EIF4G3: variants seen among roughly 807,000 people sequenced by gnomAD.
The protein encoded by EIF4G3 is eukaryotic translation initiation factor 4 gamma 3.
EIF4G3 carries 34 observed loss-of-function variants against 186.4 expected under a neutral mutation model. The observed-to-expected ratio is 0.18, with a 90% CI of 0.14 to 0.24. The LOEUF (loss-of-function observed/expected upper bound fraction) is 0.24. Among genes scored for constraint, EIF4G3 ranks in the 10% least tolerant of loss-of-function variants. The probability of loss-of-function intolerance (pLI) is 1.00; values close to 1 mark genes in which losing one functional copy is unlikely to be tolerated. For synonymous variants in EIF4G3, 673 were observed against 679.5 expected (o/e 0.99, Z 0.15); for missense variants, 1,536 against 1,948.5 (o/e 0.79, Z 3.99).
chr1:20,956,706 T>C (rs2096437159), intron 12 of EIF4G3, among the ~76,000 whole-genome samples: 1 of 151,434 alleles, frequency 6.6e-6, no homozygotes, highest in African/African-American at 2.4e-5. Context: ...AGGGTCTCGC[T>C]CTGCCACTCA....
chr1:20,809,042 C>T (rs544878494), intron 36 of EIF4G3, among the ~76,000 whole-genome samples: 49 of 151,694 alleles, frequency 3.2e-4, no homozygotes, highest in Middle Eastern at 3.4e-3. Flanking sequence ...GGCATGATCT[C>T]GGCTCATTGC....
At chr1:21,096,356 G>A (rs988357828) in intron 2 of EIF4G3, among the ~76,000 whole-genome samples, 6 of 152,174 alleles carry the variant, frequency 3.9e-5, no homozygotes, top group African/African-American at 1.2e-4. Context: ...GAGGTAGAGT[G>A]TGGAATGTCA....
At chr1:20,821,559 C>T (rs371884748) in intron 33 of EIF4G3, among the ~76,000 whole-genome samples, 9 of 152,086 alleles carry the variant, frequency 5.9e-5, no homozygotes, top group East Asian at 1.9e-4. Context: ...TTCCCTATTA[C>T]GTATACTTCT....
intron 4 of EIF4G3, among the ~76,000 whole-genome samples, chr1:21,047,412 A>G (rs904332584): frequency 4.4e-4 from 67 of 152,328 alleles, no homozygotes; most frequent in African/African-American, 1.3e-3. Flanking sequence ...TTTAACCTTC[A>G]TAATAAGACA....
At chr1:21,132,943 C>T (rs2097179864) in intron 2 of EIF4G3, among the ~76,000 whole-genome samples, 1 of 151,902 alleles carries the variant, frequency 6.6e-6, no homozygotes, top group African/African-American at 2.4e-5. Flanking sequence ...CCACCACGCC[C>T]AGCTAATTTT....
chr1:21,176,086 C>A, intron 2 of EIF4G3, 89 bp downstream of exon 2: 1 of 260,974 alleles, frequency 3.8e-6, no homozygotes, highest in Non-Finnish European at 7.2e-6. Context: ...TGGGCTGTGG[C>A]GGCCGGCAGG....
chr1:21,138,041 C>G (rs1473660502), intron 2 of EIF4G3, among the ~76,000 whole-genome samples: 2 of 152,164 alleles, frequency 1.3e-5, no homozygotes, highest in African/African-American at 2.4e-5. Context: ...TCTGAATTAA[C>G]TGATATGGAG....
At chr1:20,906,241 A>G (rs1006065895) in intron 14 of EIF4G3, among the ~76,000 whole-genome samples, 13 of 152,086 alleles carry the variant, frequency 8.5e-5, no homozygotes, top group African/African-American at 3.1e-4. Flanking sequence ...TAAATTTGCT[A>G]TTGTCTCACA....
chr1:21,037,922 T>C (rs2093331865), intron 4 of EIF4G3, among the ~76,000 whole-genome samples: 1 of 152,152 alleles, frequency 6.6e-6, no homozygotes, highest in Non-Finnish European at 1.5e-5. Flanking sequence ...TTACCTAGGC[T>C]CATCCCAAGC....
At chr1:20,816,397 G>A (rs1463731273) in intron 34 of EIF4G3, among the ~76,000 whole-genome samples, 2 of 114,148 alleles carry the variant, frequency 1.8e-5, no homozygotes, top group Non-Finnish European at 3.7e-5. Context: ...CCGGCCGGCC[G>A]CCCCGTCCGG....
intron 24 of EIF4G3, among the ~76,000 whole-genome samples, chr1:20,859,703 G>A (rs2075916353): frequency 6.6e-6 from 1 of 152,214 alleles, no homozygotes; most frequent in South Asian, 2.1e-4. Context: ...AGGTTCAAGT[G>A]ATTCTTCTGC....
intron 20 of EIF4G3, among the ~76,000 whole-genome samples, chr1:20,867,802 A>G (rs1381190945): frequency 1.3e-5 from 2 of 152,250 alleles, no homozygotes; most frequent in Non-Finnish European, 2.9e-5. Flanking sequence ...TCCCAAAATA[A>G]TGGTCAAGAG....
chr1:20,814,401 T>A (rs2059928624), intron 34 of EIF4G3, among the ~76,000 whole-genome samples: 1 of 152,226 alleles, frequency 6.6e-6, no homozygotes, highest in Non-Finnish European at 1.5e-5. Context: ...TCCCACTGCC[T>A]ATCCTTTACT....
chr1:20,894,351 T>C (rs1211232259), intron 17 of EIF4G3, among the ~76,000 whole-genome samples: 1 of 152,236 alleles, frequency 6.6e-6, no homozygotes, highest in Non-Finnish European at 1.5e-5. Context: ...TCTGAGGTAC[T>C]GAAGTAGCCT....
chr1:21,131,736 C>G (rs2097158042), intron 2 of EIF4G3, among the ~76,000 whole-genome samples: 2 of 152,102 alleles, frequency 1.3e-5, no homozygotes, highest in Non-Finnish European at 2.9e-5. Flanking sequence ...AATCCCAGCA[C>G]TTTTGGCTGG....
At chr1:20,825,077 C>T (rs748938667) in intron 33 of EIF4G3, 23 bp downstream of exon 33, 1 of 1,520,808 alleles carries the variant, frequency 6.6e-7, no homozygotes, top group East Asian at 2.3e-5. Flanking sequence ...TATCAAACAG[C>T]AAAACATAAG....
chr1:20,945,764 C>T (rs2095915972), intron 13 of EIF4G3, among the ~76,000 whole-genome samples: 1 of 152,172 alleles, frequency 6.6e-6, no homozygotes, highest in Admixed American at 6.5e-5. Context: ...AGATTACAGG[C>T]GTGAGCCACT....
At chr1:21,057,626 T>TA (rs1039115760) in intron 3 of EIF4G3, among the ~76,000 whole-genome samples, 4 of 152,172 alleles carry the variant, frequency 2.6e-5, no homozygotes, top group Admixed American at 2.6e-4. Flanking sequence ...AATTATTTGT[T>TA]AAACTCTACC....
chr1:20,916,107 C>T (rs2093833375), intron 14 of EIF4G3, among the ~76,000 whole-genome samples: 1 of 152,004 alleles, frequency 6.6e-6, no homozygotes, highest in Non-Finnish European at 1.5e-5. Context: ...ACACAAGCAT[C>T]TAAAGATATA....
Sources: gnomAD v4.1 joint callset for allele counts (sites outside exome capture counted in the v4.1 genomes callset) on GRCh38, gnomAD v4.1.1 for gene constraint, MANE v1.5 for transcripts, NCBI Gene and HGNC (gene_info 2026-07-23, HGNC 2026-07-21) for gene names.